SEM1: variants seen among roughly 807,000 people sequenced by gnomAD.
SEM1 encodes 26S proteasome complex subunit SEM1.
SEM1 carries 3 observed loss-of-function variants against 12.7 expected under a neutral mutation model. That is an observed-to-expected ratio of 0.24 (90% CI 0.11 to 0.61). The LOEUF (loss-of-function observed/expected upper bound fraction) is 0.61, where lower values mean the gene tolerates loss of function less well. Ranked by LOEUF, SEM1 falls within the 20% of genes least tolerant of loss-of-function variation. The probability of loss-of-function intolerance (pLI) is 0.88; values close to 1 mark genes in which losing one functional copy is unlikely to be tolerated. For synonymous variants in SEM1, 30 were observed against 27.8 expected (o/e 1.08, Z -0.25); for missense variants, 59 against 81.3 (o/e 0.73, Z 1.06).
chr7:96,648,350 C>T (rs1257253424), intron 2 of SEM1, among the ~76,000 whole-genome samples: 1 of 152,072 alleles, frequency 6.6e-6, no homozygotes, highest in Non-Finnish European at 1.5e-5. Flanking sequence ...CCAGAAATTT[C>T]CACAGTGTAA....
rs1234822665 is a variant in SEM1 at position 96,484,876 on chromosome 7, A to G, written c.228-22T>C. On this transcript the variant is annotated intron_variant, in intron 2 of 3. Transcript: ENST00000356686. Reference sequence around the variant, plus strand: ...GGAGCTGTAAATATTAGATTTCATGATTCAAGTCTCTGGAATCCAACTTTC... The same window carrying G: ...GGAGCTGTAAATATTAGATTTCATGGTTCAAGTCTCTGGAATCCAACTTTC... The G allele has an allele frequency of 3.9e-6, 5 of 1,285,502 alleles. No homozygotes were observed. In the South Asian group the frequency reaches 5.0e-5, roughly 13 times the overall value. 79.6% of individuals were successfully genotyped at this position (1,285,502 alleles called of 1,614,324 possible).
intron 2 of SEM1, among the ~76,000 whole-genome samples, chr7:96,635,165 G>T (rs955062835): frequency 3.9e-5 from 6 of 152,076 alleles, no homozygotes; most frequent in Non-Finnish European, 8.8e-5. Context: ...GAAAATAAAG[G>T]AATCACGATA....
At chr7:96,513,577 C>A (rs1018305709) in intron 2 of SEM1, among the ~76,000 whole-genome samples, 14 of 151,912 alleles carry the variant, frequency 9.2e-5, no homozygotes, top group African/African-American at 3.4e-4. Context: ...ACCTGTAATC[C>A]CAGCATTTTA....
intron 2 of SEM1, among the ~76,000 whole-genome samples, chr7:96,584,023 G>A (rs1200859587): frequency 2.0e-5 from 3 of 151,492 alleles, no homozygotes; most frequent in Non-Finnish European, 2.9e-5. Flanking sequence ...ATGTTAGCTG[G>A]TTATTTTGCT....
intron 2 of SEM1, among the ~76,000 whole-genome samples, chr7:96,529,285 A>G (rs1460821085): frequency 6.6e-6 from 1 of 152,176 alleles, no homozygotes; most frequent in Non-Finnish European, 1.5e-5. Flanking sequence ...ATGTTAATTT[A>G]TAAAGTAAAC....
At chr7:96,599,555 A>G (rs928998630) in intron 2 of SEM1, among the ~76,000 whole-genome samples, 1 of 152,230 alleles carries the variant, frequency 6.6e-6, no homozygotes, top group Non-Finnish European at 1.5e-5. Flanking sequence ...AACACACAGC[A>G]TGATAATGTC....
intron 2 of SEM1, among the ~76,000 whole-genome samples, chr7:96,662,713 A>G (rs1045266019): frequency 6.6e-6 from 1 of 152,218 alleles, no homozygotes; most frequent in Admixed American, 6.5e-5. Context: ...AAAACTGACT[A>G]TTCAATAAAT....
intron 2 of SEM1, among the ~76,000 whole-genome samples, chr7:96,540,823 G>A (rs990339198): frequency 6.6e-6 from 1 of 151,816 alleles, no homozygotes; most frequent in East Asian, 1.9e-4. Flanking sequence ...ACTTATAAGT[G>A]AGAAAACACG....
At position 96,661,132 on chromosome 7, in the gene SEM1, GAGGT is replaced by G. The variant is rs536478703; in HGVS notation, c.170+33662_170+33665del. ...AAAGATGAAGAAATTGAGGCACAGA[GAGGT>G]TACATAAGTTTACACACCCAGTAAA... On this transcript the variant is annotated intron_variant, in intron 2 of 2. Transcript: ENST00000417009. Among the ~76,000 whole-genome samples the G allele has an allele frequency of 4.3e-4, 66 of 152,214 alleles. No homozygotes were observed. The South Asian group carries it at 6.0e-3, about 14-fold the overall frequency.
chr7:96,527,693 TATC>T lies in SEM1; in HGVS notation c.171-20998_171-20996del, dbSNP rs1473091827. Among the ~76,000 whole-genome samples, 6 of 152,262 alleles carry T rather than the reference TATC, an allele frequency of 3.9e-5. No individual in the cohort carries two copies. In the East Asian group the frequency reaches 1.2e-3, roughly 29 times the overall value. ...TAGCAAGTTTATTAATTCACATCGT[TATC>T]ATTGTTATTATTGCCACAACTGGTA... On this transcript the variant is annotated intron_variant and NMD_transcript_variant, in intron 2 of 3. Coordinates refer to the SEM1 transcript ENST00000466986.
downstream of SEM1, among the ~76,000 whole-genome samples, chr7:96,683,960 G>A (rs1345525538): frequency 2.6e-5 from 4 of 151,968 alleles, no homozygotes; most frequent in East Asian, 7.7e-4. Flanking sequence ...AACCACAATG[G>A]CACATGTATA....
intron 2 of SEM1, among the ~76,000 whole-genome samples, chr7:96,572,572 T>C (rs960169553): frequency 7.2e-5 from 11 of 152,186 alleles, no homozygotes; most frequent in Non-Finnish European, 1.6e-4. Flanking sequence ...GGTTGTTCAG[T>C]TTTCATGTAG....
chr7:96,581,887 T>G (rs1584782262), intron 2 of SEM1, among the ~76,000 whole-genome samples: 1 of 152,112 alleles, frequency 6.6e-6, no homozygotes, highest in East Asian at 1.9e-4. Context: ...ACAATGGGGT[T>G]TTCTAGATAC....
chr7:96,507,336 A>C (rs1803785800), intron 2 of SEM1, among the ~76,000 whole-genome samples: 1 of 152,126 alleles, frequency 6.6e-6, no homozygotes, highest in Non-Finnish European at 1.5e-5. Context: ...TTTTGCCAAT[A>C]ATATTTTATT....
chr7:96,674,525 G>A (rs192485981), intron 2 of SEM1, among the ~76,000 whole-genome samples: 43 of 152,034 alleles, frequency 2.8e-4, no homozygotes, highest in African/African-American at 5.5e-4. Context: ...TTAGCTGAGC[G>A]TGGTGGTGCA....
At chr7:96,517,549 C>T (rs1804135161) in intron 2 of SEM1, among the ~76,000 whole-genome samples, 1 of 152,084 alleles carries the variant, frequency 6.6e-6, no homozygotes, top group Middle Eastern at 3.2e-3. Flanking sequence ...GCACATATGT[C>T]TATAATCACT....
chr7:96,696,275 T>C (rs1252388726), intron 1 of SEM1: 1 of 151,934 alleles, frequency 6.6e-6, no homozygotes, highest in African/African-American at 2.4e-5. Context: ...AAGAATACTG[T>C]GAGCAACATT....
chr7:96,579,844 G>A (rs1765143580), intron 2 of SEM1, among the ~76,000 whole-genome samples: 2 of 151,982 alleles, frequency 1.3e-5, no homozygotes, highest in Admixed American at 1.3e-4. Flanking sequence ...TAAGCAATAG[G>A]GGAAATTGGT....
chr7:96,666,121 C>T (rs1789163780), intron 2 of SEM1, among the ~76,000 whole-genome samples: 1 of 152,180 alleles, frequency 6.6e-6, no homozygotes, highest in Admixed American at 6.5e-5. Flanking sequence ...AGAGCCATTA[C>T]ATTCTTACTT....
Sources: gnomAD v4.1 joint callset for allele counts (sites outside exome capture counted in the v4.1 genomes callset) on GRCh38, gnomAD v4.1.1 for gene constraint, MANE v1.5 for transcripts, NCBI Gene and HGNC (gene_info 2026-07-23, HGNC 2026-07-21) for gene names.